CHST9: variants seen among roughly 807,000 people sequenced by gnomAD.
CHST9 encodes GalNAc-4-sulfotransferase 2.
CHST9 carries 41 observed loss-of-function variants against 44.4 expected under a neutral mutation model. That is an observed-to-expected ratio of 0.92 (90% CI 0.72 to 1.20). CHST9 has a LOEUF of 1.20. Among genes scored for constraint, CHST9 ranks in the 50% most tolerant of loss-of-function variants. CHST9 has a pLI of 0.00. For synonymous variants in CHST9, 171 were observed against 178.4 expected (o/e 0.96, Z 0.33); for missense variants, 504 against 516.5 (o/e 0.98, Z 0.23).
chr18:27,097,258 G>A (rs1219574918), intron 2 of CHST9, among the ~76,000 whole-genome samples: 1 of 151,906 alleles, frequency 6.6e-6, no homozygotes, highest in African/African-American at 2.4e-5. Flanking sequence ...AAAAAAATAA[G>A]AGCCATCTAT....
In CHST9 at chr18:26,997,288, G is replaced by C. The variant is rs184199049; in HGVS notation, c.202+26828C>G. On this transcript the variant is annotated intron_variant, in intron 4 of 5. Coordinates refer to ENST00000618847, the MANE Select transcript of CHST9 (RefSeq NM_031422.6). The stretch of plus-strand genomic sequence containing the variant: ...AACTGCAAACAAAATTCTAAGTAGA[G>C]AAAGTGTTATTATTAGTAGTATAAT... Among the ~76,000 whole-genome samples, 5 of 152,312 alleles carry C rather than the reference G, an allele frequency of 3.3e-5. No individual in the cohort carries two copies. The East Asian group carries it at 9.7e-4, about 29-fold the overall frequency.
At chr18:26,967,056 T>A (rs906376685) in intron 4 of CHST9, among the ~76,000 whole-genome samples, 2 of 152,100 alleles carry the variant, frequency 1.3e-5, no homozygotes, top group African/African-American at 4.8e-5. Flanking sequence ...AGAGTGTGAC[T>A]GAAACACTGA....
intron 2 of CHST9, among the ~76,000 whole-genome samples, chr18:27,075,740 A>G (rs1034525301): frequency 6.6e-6 from 1 of 152,186 alleles, no homozygotes; most frequent in African/African-American, 2.4e-5. Context: ...GACATGGAAA[A>G]CATTCACTCT....
At chr18:27,112,597 G>GTGTGTGTGTT (rs1555624908) in intron 2 of CHST9, among the ~76,000 whole-genome samples, 3,579 of 150,492 alleles carry the variant, frequency 0.024, 132 homozygotes, top group African/African-American at 0.08. Context: ...GTGTGTGTGT[G>GTGTGTGTGTT]TGTGTGTGTG....
chr18:27,102,112 G>C (rs1291218559), intron 2 of CHST9, among the ~76,000 whole-genome samples: 2 of 152,174 alleles, frequency 1.3e-5, no homozygotes, highest in Non-Finnish European at 2.9e-5. Flanking sequence ...GCCATGAGTT[G>C]AGGTCAGTGT....
chr18:26,949,112 T>C (rs996359056), intron 4 of CHST9, among the ~76,000 whole-genome samples: 1 of 151,728 alleles, frequency 6.6e-6, no homozygotes, highest in Non-Finnish European at 1.5e-5. Flanking sequence ...TGGAGACGGG[T>C]TGAAGGGGTA....
At chr18:27,031,579 G>T (rs2057341243) in intron 3 of CHST9, among the ~76,000 whole-genome samples, 1 of 152,142 alleles carries the variant, frequency 6.6e-6, no homozygotes, top group African/African-American at 2.4e-5. Context: ...TTTATCCAAT[G>T]AATTGTTTTA....
At chr18:27,018,278 A>G (rs978105783) in intron 4 of CHST9, among the ~76,000 whole-genome samples, 19 of 152,228 alleles carry the variant, frequency 1.2e-4, no homozygotes, top group African/African-American at 3.9e-4. Flanking sequence ...CCGAACCTCA[A>G]TGAGAAGGAG....
chr18:27,055,587 T>C (rs1246005966), intron 2 of CHST9, among the ~76,000 whole-genome samples: 1 of 152,194 alleles, frequency 6.6e-6, no homozygotes, highest in Non-Finnish European at 1.5e-5. Flanking sequence ...CAAGATTTTT[T>C]AGAAAAGTGG....
intron 3 of CHST9, among the ~76,000 whole-genome samples, chr18:27,038,136 G>A (rs2057408803): frequency 1.3e-5 from 2 of 152,078 alleles, no homozygotes; most frequent in African/African-American, 4.8e-5. Context: ...TTATGAAAAT[G>A]ACAAGAATTG....
At chr18:27,158,202 C>A (rs553160389) in intron 1 of CHST9, among the ~76,000 whole-genome samples, 16 of 152,222 alleles carry the variant, frequency 1.1e-4, no homozygotes, top group Admixed American at 1.0e-3. Context: ...GTGCTGCACC[C>A]ATCAACTCAT....
At chr18:26,958,823 T>C (rs771690712) in intron 4 of CHST9, among the ~76,000 whole-genome samples, 1 of 152,192 alleles carries the variant, frequency 6.6e-6, no homozygotes, top group Non-Finnish European at 1.5e-5. Flanking sequence ...AAACAGCACA[T>C]GCTGGCGAGG....
chr18:26,954,053 C>T (rs2056288055), intron 4 of CHST9, among the ~76,000 whole-genome samples: 1 of 152,100 alleles, frequency 6.6e-6, no homozygotes, highest in Non-Finnish European at 1.5e-5. Flanking sequence ...CTGTGGAGTT[C>T]TGGAGTATCA....
At chr18:27,051,953 A>G (rs2057571908) in intron 2 of CHST9, among the ~76,000 whole-genome samples, 2 of 152,190 alleles carry the variant, frequency 1.3e-5, no homozygotes, top group African/African-American at 4.8e-5. Context: ...TGCTATGAGG[A>G]TGAAACAATT....
intron 2 of CHST9, among the ~76,000 whole-genome samples, chr18:27,058,771 T>C (rs750872088): frequency 6.6e-6 from 1 of 152,188 alleles, no homozygotes; most frequent in Admixed American, 6.5e-5. Flanking sequence ...GCAAACGCCA[T>C]GTGGATTTGA....
At chr18:27,149,488 G>C (rs1329519608) in intron 1 of CHST9, among the ~76,000 whole-genome samples, 1 of 152,050 alleles carries the variant, frequency 6.6e-6, no homozygotes, top group African/African-American at 2.4e-5. Context: ...ATTGTGAATA[G>C]TGTTGCAATG....
intron 3 of CHST9, among the ~76,000 whole-genome samples, chr18:27,024,442 C>T (rs1202162047): frequency 6.6e-6 from 1 of 152,096 alleles, no homozygotes; most frequent in Non-Finnish European, 1.5e-5. Flanking sequence ...GAGCCAGGGA[C>T]TGGGGGGTGG....
chr18:27,178,577 G>A (rs1215191188), intron 1 of CHST9, among the ~76,000 whole-genome samples: 1 of 151,884 alleles, frequency 6.6e-6, no homozygotes, highest in Non-Finnish European at 1.5e-5. Context: ...CCTTGCTTCT[G>A]GGATCCTACA....
intron 2 of CHST9, among the ~76,000 whole-genome samples, chr18:27,126,027 A>T (rs28638047): frequency 0.011 from 1,607 of 152,354 alleles, 23 homozygotes; most frequent in African/African-American, 0.034. Context: ...TATATTACAC[A>T]AAAATTTAGC....
Sources: gnomAD v4.1 joint callset for allele counts (sites outside exome capture counted in the v4.1 genomes callset) on GRCh38, gnomAD v4.1.1 for gene constraint, MANE v1.5 for transcripts, NCBI Gene and HGNC (gene_info 2026-07-23, HGNC 2026-07-21) for gene names.